HOXC5: variants seen among roughly 807,000 people sequenced by gnomAD.
HOXC5 encodes the protein homeobox protein Hox-C5.
In HOXC5, 19 loss-of-function variants were observed where a neutral mutation model predicts 20.1. That is an observed-to-expected ratio of 0.94 (90% CI 0.66 to 1.38). HOXC5 has a LOEUF of 1.38. HOXC5 is among the 40% of genes most tolerant of loss of function. HOXC5 has a pLI of 0.00. For synonymous variants in HOXC5, 124 were observed against 117.0 expected, an observed-to-expected ratio of 1.06 and a Z score of -0.39; for missense variants, 330 against 300.1, an observed-to-expected ratio of 1.10 and a Z score of -0.74.
chr12:54,032,910 C>T, upstream of HOXC5: 1 of 511,250 alleles, frequency 2.0e-6, no homozygotes. Context: ...ACTAACCTCC[C>T]GGAGGTCATC....
upstream of HOXC5, among the ~76,000 whole-genome samples, chr12:54,029,125 C>T (rs1458254604): frequency 5.9e-5 from 9 of 151,856 alleles, no homozygotes; most frequent in Admixed American, 5.9e-4. Context: ...TGGCCCCTGA[C>T]GGATTGGAGG....
rs751624231 is a variant in HOXC5, at chr12:54,034,501, G to A, written c.*9G>A. 3.7e-6 allele frequency: 6 copies of A among 1,610,150 alleles called. No homozygotes were observed. Among genetic ancestry groups the A allele is most frequent in the African/African-American group, 1.3e-5 (1 of 74,930 alleles). On this transcript the variant is annotated 3_prime_UTR_variant, in exon 2 of 2. Transcript: ENST00000312492. Reference sequence around the variant, plus strand: ...GCAAAGAGGCTCTTTAGAGGCAGCGGGGGAGGCCCGCAGAGCGCGCCCCTA... The same window carrying A: ...GCAAAGAGGCTCTTTAGAGGCAGCGAGGGAGGCCCGCAGAGCGCGCCCCTA...
chr12:54,030,782 T>C (rs1240657605), upstream of HOXC5: 1 of 152,426 alleles, frequency 6.6e-6, no homozygotes, highest in Non-Finnish European at 1.5e-5. Flanking sequence ...CTGGGTCCGT[T>C]CTCGAATATT....
In HOXC5 at chr12:54,033,296, CCACGGGGTAGA is replaced by C; in HGVS notation, c.177_187del (p.Val61CysfsTer49). The C allele has an allele frequency of 6.2e-7, 1 of 1,614,180 alleles. No homozygotes were observed. The highest frequency in any genetic ancestry group is 8.5e-7 in the Non-Finnish European group (1 of 1,180,040). On this transcript the variant is annotated frameshift_variant, in exon 1 of 2. Coordinates refer to ENST00000312492, the MANE Select transcript of HOXC5 (RefSeq NM_018953.4). LOFTEE classifies it high-confidence loss of function. Reference sequence around the variant, plus strand: ...CACCGCCTGCGCCTTCCAACTCTCTCCACGGGGTAGACATGGCTGCCAACCCCCGGGCTCAC... The same window carrying C: ...CACCGCCTGCGCCTTCCAACTCTCTCCATGGCTGCCAACCCCCGGGCTCAC...
chr12:54,029,851 A>G (rs950687160), upstream of HOXC5: 1 of 1,613,940 alleles, frequency 6.2e-7, no homozygotes, highest in African/African-American at 1.3e-5. Context: ...GGAAAAAAGA[A>G]TCTAATCTCA....
chr12:54,031,052 G>C (rs935112689), upstream of HOXC5, among the ~76,000 whole-genome samples: 4 of 152,256 alleles, frequency 2.6e-5, no homozygotes, highest in Admixed American at 6.5e-5. Flanking sequence ...ACACCCTGCG[G>C]GAAAAAGCCG....
At chr12:54,028,042 A>G in the HOXC5 span, among the ~76,000 whole-genome samples, 30 of 152,222 alleles carry the variant, frequency 2.0e-4, no homozygotes, top group South Asian at 5.2e-3. Flanking sequence ...TGGAGAAATC[A>G]GGATGTAATT....
upstream of HOXC5, chr12:54,030,106 T>C (rs1940925906): frequency 1.2e-6 from 1 of 803,534 alleles, no homozygotes; most frequent in South Asian, 2.1e-5. Context: ...AACGTGGACC[T>C]GAAAGTCAGC....
In HOXC5 at chr12:54,033,162, C is replaced by T; in HGVS notation, c.40C>T (p.Pro14Ser). 1 of 1,614,110 alleles carries T rather than the reference C, an allele frequency of 6.2e-7. No homozygotes were observed. Among genetic ancestry groups the T allele is most frequent in the Non-Finnish European group, 8.5e-7 (1 of 1,179,960 alleles). Reference protein sequence around the residue: ...YVANSFYKQSPNIPAYNMQTC... With the variant: ...YVANSFYKQSSNIPAYNMQTC... Reference sequence around the variant, plus strand: ...AGCCAATTCATTCTATAAGCAGAGCCCCAATATCCCTGCCTATAACATGCA... The same window carrying T: ...AGCCAATTCATTCTATAAGCAGAGCTCCAATATCCCTGCCTATAACATGCA... Residue 14 changes from proline (P) to serine (S), a missense_variant, in exon 1 of 2, where the codon CCC becomes TCC. Physicochemically the swap from Pro to Ser is moderately conservative, Grantham distance 74 (BLOSUM62 -1). Transcript: ENST00000312492.
chr12:54,029,592 G>C, upstream of HOXC5: 1 of 1,540,720 alleles, frequency 6.5e-7, no homozygotes, highest in South Asian at 1.2e-5. Flanking sequence ...TTTGCTAGGC[G>C]AAACAGTCTG....
At chr12:54,031,222 C>T (rs1255109769), upstream of HOXC5, among the ~76,000 whole-genome samples, 2 of 152,202 alleles carry the variant, frequency 1.3e-5, no homozygotes, top group Non-Finnish European at 2.9e-5. Flanking sequence ...CCAGGGTCTC[C>T]TCCACCCACT....
rs1941108475 is a variant in HOXC5, at chr12:54,034,147, C to T, written c.455-131C>T. 3 of 896,176 alleles carry T rather than the reference C, an allele frequency of 3.3e-6. No homozygotes were observed. In the East Asian group the frequency reaches 7.5e-5, roughly 22 times the overall value. The allele number at this position is 896,176 out of a possible 1,614,324, so 55.5% of individuals were successfully genotyped here. On this transcript the variant is annotated intron_variant, in intron 1 of 1. Transcript: ENST00000312492. ...GGGCTGGGCTGGCCCGCCTGCGGCC[C>T]GCGTGGCCTGTCTTGCGGCTCTCGC...
chr12:54,023,566 TG>T, the HOXC5 span, among the ~76,000 whole-genome samples: 1 of 152,176 alleles, frequency 6.6e-6, no homozygotes, highest in African/African-American at 2.4e-5. Context: ...TGGAGGTGTT[TG>T]GGGGCAGTTC....
At chr12:54,031,607 A>C (rs547003508), upstream of HOXC5, among the ~76,000 whole-genome samples, 166 of 152,260 alleles carry the variant, frequency 1.1e-3, no homozygotes, top group African/African-American at 3.8e-3. Flanking sequence ...GAGTGGGCCT[A>C]CAGGGAGAGG....
chr12:54,032,918 A>C (rs527833041), upstream of HOXC5: 228 of 522,218 alleles, frequency 4.4e-4, no homozygotes, highest in African/African-American at 4.3e-3. Flanking sequence ...CCCGGAGGTC[A>C]TCAAGCCAAA....
chr12:54,031,869 C>G (rs564108174), upstream of HOXC5, among the ~76,000 whole-genome samples: 29 of 152,330 alleles, frequency 1.9e-4, no homozygotes, highest in African/African-American at 6.5e-4. Flanking sequence ...TGCCCACCCC[C>G]CAGGTCCGCC....
At chr12:54,023,901 G>A in the HOXC5 span, among the ~76,000 whole-genome samples, 3 of 152,154 alleles carry the variant, frequency 2.0e-5, no homozygotes, top group Non-Finnish European at 4.4e-5. Flanking sequence ...CCTGCATTCA[G>A]GTTCTCTGGC....
chr12:54,026,964 TGGGG>T, the HOXC5 span, among the ~76,000 whole-genome samples: 4 of 127,280 alleles, frequency 3.1e-5, no homozygotes, highest in East Asian at 9.7e-4. Flanking sequence ...CCAAAAATGG[TGGGG>T]GGGGGGGGAT....
At chr12:54,026,942 C>A in the HOXC5 span, among the ~76,000 whole-genome samples, 21 of 140,130 alleles carry the variant, frequency 1.5e-4, no homozygotes, top group African/African-American at 5.4e-4. Flanking sequence ...GCTTTCCCCC[C>A]CCCCAACCCA....
Sources: gnomAD v4.1 joint callset for allele counts (sites outside exome capture counted in the v4.1 genomes callset) on GRCh38, gnomAD v4.1.1 for gene constraint, MANE v1.5 for transcripts, NCBI Gene and HGNC (gene_info 2026-07-23, HGNC 2026-07-21) for gene names.